ZNF560: variants seen among roughly 807,000 people sequenced by gnomAD.
ZNF560 encodes the protein zinc finger protein 560.
In ZNF560, 54 loss-of-function variants were observed where a neutral mutation model predicts 81.8. The observed-to-expected ratio is 0.66, with a 90% CI of 0.53 to 0.83. ZNF560 has a LOEUF of 0.83. Among genes scored for constraint, ZNF560 ranks in the 40% least tolerant of loss-of-function variants. The pLI is 0.00. For synonymous variants in ZNF560, 321 were observed against 317.9 expected, an observed-to-expected ratio of 1.01 and a Z score of -0.10; for missense variants, 940 against 932.4, an observed-to-expected ratio of 1.01 and a Z score of -0.11.
In ZNF560 at chr19:9,474,192, G is replaced by T. The variant is rs183196548; in HGVS notation, c.157+7C>A. The T allele has an allele frequency of 9.9e-6, 16 of 1,614,086 alleles. No individual in the cohort carries two copies. Among genetic ancestry groups the T allele is most frequent in the Non-Finnish European group, 1.2e-5 (14 of 1,179,992 alleles). On this transcript the variant is annotated splice_region_variant and intron_variant, in intron 4 of 9. Coordinates refer to ENST00000301480, the MANE Select transcript of ZNF560 (RefSeq NM_152476.3). ...TAAGAGGCTGCATAAAATGATGGCA[G>T]TCTTACCTACTTTGGCCACGTTCTC...
intron 2 of ZNF560, among the ~76,000 whole-genome samples, chr19:9,487,370 A>G (rs1237027585): frequency 1.3e-5 from 2 of 152,188 alleles, no homozygotes; most frequent in African/African-American, 4.8e-5. Flanking sequence ...CACTTACAAG[A>G]GACTTTCCAC....
At chr19:9,448,402 T>TTTTA in the ZNF560 span, among the ~76,000 whole-genome samples, 3 of 145,808 alleles carry the variant, frequency 2.1e-5, no homozygotes, top group Middle Eastern at 6.8e-3. Context: ...TGGCTTTTTT[T>TTTTA]TTTTTTTTTT....
chr19:9,451,391 T>C, the ZNF560 span, among the ~76,000 whole-genome samples: 1 of 152,154 alleles, frequency 6.6e-6, no homozygotes, highest in African/African-American at 2.4e-5. Flanking sequence ...ACTCAATAAA[T>C]GGTACTGGGA....
At chr19:9,457,557 T>TC in the ZNF560 span, among the ~76,000 whole-genome samples, 1 of 152,154 alleles carries the variant, frequency 6.6e-6, no homozygotes, top group Non-Finnish European at 1.5e-5. Flanking sequence ...TCTTTGTGCT[T>TC]CCCCCACTCC....
At chr19:9,490,819 A>C (rs187944659) in intron 2 of ZNF560, among the ~76,000 whole-genome samples, 19 of 152,326 alleles carry the variant, frequency 1.2e-4, no homozygotes, top group African/African-American at 4.3e-4. Context: ...GGAGATTCAA[A>C]GTCTCTCACC....
intron 2 of ZNF560, among the ~76,000 whole-genome samples, chr19:9,478,172 A>G (rs1224568562): frequency 6.6e-6 from 1 of 152,190 alleles, no homozygotes; most frequent in Non-Finnish European, 1.5e-5. Flanking sequence ...CATATGAACG[A>G]GTTCCAATAA....
the ZNF560 span, among the ~76,000 whole-genome samples, chr19:9,453,110 A>G: frequency 1.3e-5 from 2 of 152,144 alleles, no homozygotes; most frequent in African/African-American, 4.8e-5. Context: ...GGCTCTCATG[A>G]TAGTATTAGT....
the ZNF560 span, among the ~76,000 whole-genome samples, chr19:9,447,770 T>C: frequency 5.9e-5 from 9 of 152,120 alleles, no homozygotes; most frequent in African/African-American, 2.2e-4. Flanking sequence ...AGAGAAAAAG[T>C]AAGCAACCTG....
downstream of ZNF560, among the ~76,000 whole-genome samples, chr19:9,462,039 A>G (rs1047252372): frequency 6.6e-6 from 1 of 152,204 alleles, no homozygotes; most frequent in Non-Finnish European, 1.5e-5. Context: ...GCAGATGCGG[A>G]TCCTGACTCC....
chr19:9,490,363 A>T (rs2073452283), intron 2 of ZNF560, among the ~76,000 whole-genome samples: 1 of 152,228 alleles, frequency 6.6e-6, no homozygotes, highest in South Asian at 2.1e-4. Flanking sequence ...GGTAGCACTT[A>T]ACTATCAAAG....
At chr19:9,505,454 T>C in the ZNF560 span, among the ~76,000 whole-genome samples, 1 of 152,244 alleles carries the variant, frequency 6.6e-6, no homozygotes, top group Non-Finnish European at 1.5e-5. Context: ...TTGATCATGG[T>C]CTTTATTATT....
rs529627522 is a variant in ZNF560, at chr19:9,489,285, C to T, written c.-57+8843G>A. Reference sequence around the variant, plus strand: ...GGCGCTCCTCGCTTCCCAGACAGTGCGGCGGCCGGTTAGAGGCACTCCTCA... The same window carrying T: ...GGCGCTCCTCGCTTCCCAGACAGTGTGGCGGCCGGTTAGAGGCACTCCTCA... On this transcript the variant is annotated intron_variant, in intron 2 of 9. Coordinates refer to ENST00000301480, the MANE Select transcript of ZNF560 (RefSeq NM_152476.3). Among the ~76,000 whole-genome samples the T allele has an allele frequency of 6.8e-5, 10 of 148,092 alleles. No individual in the cohort carries two copies. In the South Asian group the frequency reaches 8.6e-4, roughly 13 times the overall value.
chr19:9,498,375 T>A (rs1368721019), intron 1 of ZNF560, among the ~76,000 whole-genome samples, 160 bp from the exon 2 acceptor site: 1 of 152,106 alleles, frequency 6.6e-6, no homozygotes, highest in Non-Finnish European at 1.5e-5. Context: ...AAGGTCCCAA[T>A]GGCCTCTTCG....
chr19:9,452,754 G>T, the ZNF560 span, among the ~76,000 whole-genome samples: 1 of 152,220 alleles, frequency 6.6e-6, no homozygotes, highest in African/African-American at 2.4e-5. Context: ...GCGGGTAGGT[G>T]GGAGGCTGGG....
chr19:9,448,233 G>A, the ZNF560 span, among the ~76,000 whole-genome samples: 5 of 151,084 alleles, frequency 3.3e-5, no homozygotes, highest in African/African-American at 1.2e-4. Context: ...TGTGGCGGGG[G>A]GTTTGTTTGT....
intron 9 of ZNF560, 66 bp from the exon 10 acceptor site, chr19:9,468,400 C>A: frequency 8.4e-6 from 10 of 1,189,820 alleles, no homozygotes; most frequent in Non-Finnish European, 1.2e-5. Flanking sequence ...TACCACTCTT[C>A]TAAGAAACAT....
At chr19:9,453,018 C>T in the ZNF560 span, among the ~76,000 whole-genome samples, 41 of 152,294 alleles carry the variant, frequency 2.7e-4, no homozygotes, top group African/African-American at 8.2e-4. Context: ...TTCATATCTT[C>T]GAATCCCAAC....
In ZNF560 at chr19:9,469,525, A is replaced by C. The variant is rs142057118; in HGVS notation, c.529+105T>G. On this transcript the variant is annotated intron_variant, in intron 8 of 9. Coordinates refer to ENST00000301480, the MANE Select transcript of ZNF560 (RefSeq NM_152476.3). Reference sequence around the variant, plus strand: ...AAGATATCCCAAAACATCCAAGTCCAGTGGACAGCCTTCTGATTCAAAGGG... The same window carrying C: ...AAGATATCCCAAAACATCCAAGTCCCGTGGACAGCCTTCTGATTCAAAGGG... 2.9e-5 allele frequency: 29 copies of C among 996,796 alleles called. No homozygotes were observed. The African/African-American group carries it at 3.2e-4, about 11-fold the overall frequency. The allele number at this position is 996,796 out of a possible 1,614,324, so 61.7% of individuals were successfully genotyped here.
intron 2 of ZNF560, among the ~76,000 whole-genome samples, chr19:9,476,958 T>C (rs1474026002): frequency 6.6e-6 from 1 of 152,176 alleles, no homozygotes; most frequent in African/African-American, 2.4e-5. Context: ...TAAATCTAAG[T>C]GGATAACTGG....
Sources: allele counts gnomAD v4.1 joint callset (sites outside exome capture counted in the v4.1 genomes callset), GRCh38; gene constraint gnomAD v4.1.1; transcripts MANE v1.5; gene names NCBI Gene and HGNC (gene_info 2026-07-23, HGNC 2026-07-21).